Variants in FRG1 observed in about 807,000 individuals in gnomAD.
FRG1 encodes protein FRG1.
A neutral mutation model predicts 37.0 loss-of-function variants in FRG1; 19 were observed. The ratio of observed to expected loss-of-function variants is 0.51; its 90% CI spans 0.36 to 0.75. FRG1 has a LOEUF of 0.75. Ranked by LOEUF, FRG1 falls within the 30% of genes least tolerant of loss-of-function variation. The probability of loss-of-function intolerance (pLI) is 0.00; values close to 1 mark genes in which losing one functional copy is unlikely to be tolerated. For missense variants in FRG1, 243 were observed against 301.4 expected (o/e 0.81, Z 1.44); for synonymous variants, 73 against 96.5 (o/e 0.76, Z 1.43).
At chr4:189,957,256 T>G in intron 5 of FRG1, 142 bp from the exon 6 acceptor site, 1 of 1,147,314 alleles carries the variant, frequency 8.7e-7, no homozygotes, top group Non-Finnish European at 1.2e-6. Context: ...CTATATGTTC[T>G]TGTATTATAT....
intron 2 of FRG1, among the ~76,000 whole-genome samples, chr4:189,946,711 C>T (rs1164849899): frequency 2.6e-5 from 4 of 152,136 alleles, no homozygotes; most frequent in Non-Finnish European, 5.9e-5. Context: ...ATTTCTACTA[C>T]ATAGAGATAT....
intron 2 of FRG1, among the ~76,000 whole-genome samples, chr4:189,949,275 T>A (rs1736656956): frequency 6.6e-6 from 1 of 152,192 alleles, no homozygotes; most frequent in African/African-American, 2.4e-5. Context: ...CACCATTAAG[T>A]ATTATGTTAT....
intron 1 of FRG1, 49 bp downstream of exon 1, chr4:189,941,120 AC>A (rs776074044): frequency 6.6e-7 from 1 of 1,525,730 alleles, no homozygotes; most frequent in East Asian, 2.3e-5. Context: ...TTTCGGACGC[AC>A]TCCACCCCCG....
intron 2 of FRG1, among the ~76,000 whole-genome samples, chr4:189,950,841 G>A (rs7657916): frequency 0.42 from 64,356 of 151,966 alleles, 15,894 homozygotes; most frequent in African/African-American, 0.69. Context: ...AATCACAGAT[G>A]TTATGTCATT....
chr4:189,952,140 A>G (rs1252195793), intron 2 of FRG1, 22 bp from the exon 3 acceptor site: 2 of 1,515,600 alleles, frequency 1.3e-6, no homozygotes, highest in Admixed American at 2.0e-5. Flanking sequence ...TATAAAGTTG[A>G]AATATTGATT....
chr4:189,955,010 A>T (rs1736919662), intron 4 of FRG1, 27 bp from the exon 5 acceptor site: 1 of 1,403,406 alleles, frequency 7.1e-7, no homozygotes, highest in Non-Finnish European at 1.0e-6. Context: ...TCAGTCTTTA[A>T]CTTTTATCTA....
Position 189,963,101 on chromosome 4 carries a change from A to G in FRG1, c.749A>G (p.Lys250Arg). ...LHETLLDRRA[K>R]LKADRYCK ...TTTCTTTGTTTAAACAGGAGAGCCA[A>G]ATTGAAAGCCGACAGATACTGCAAG... The change falls in exon 9 of 9, where the codon AAA becomes AGA. Residue 250 changes from lysine to arginine, a missense_variant. By Grantham distance (26) the Lys-to-Arg change is conservative. This residue lies in a region of FRG1 where 133 missense variants were observed against 199.3 expected (regional missense o/e 0.67). Coordinates refer to ENST00000226798, the MANE Select transcript of FRG1 (RefSeq NM_004477.3). 1.2e-6 allele frequency: 2 copies of G among 1,611,434 alleles called. No individual in the cohort carries two copies. The highest frequency in any genetic ancestry group is 1.7e-6 in the Non-Finnish European group (2 of 1,178,326).
At chr4:189,941,163 C>T (rs111800301) in intron 1 of FRG1, 92 bp downstream of exon 1, 3 of 1,186,914 alleles carry the variant, frequency 2.5e-6, no homozygotes, top group Non-Finnish European at 3.7e-6. Flanking sequence ...CGCGGAGAGC[C>T]GGCTTTGTGG....
chr4:189,945,764 G>A (rs1480499528), intron 2 of FRG1, among the ~76,000 whole-genome samples: 2 of 152,036 alleles, frequency 1.3e-5, no homozygotes, highest in African/African-American at 4.8e-5. Flanking sequence ...GTGATACTGG[G>A]TGTCACAAAA....
intron 1 of FRG1, chr4:189,941,802 C>T (rs750847477): frequency 4.8e-6 from 2 of 419,506 alleles, no homozygotes; most frequent in South Asian, 3.5e-5. Flanking sequence ...TACCTGTGCA[C>T]TCATATCCCC....
At chr4:189,956,230 C>CA (rs1198313295) in intron 5 of FRG1, among the ~76,000 whole-genome samples, 3 of 152,118 alleles carry the variant, frequency 2.0e-5, no homozygotes, top group Admixed American at 6.6e-5. Flanking sequence ...CCCCGCCCCC[C>CA]ATACCGTACA....
intron 2 of FRG1, among the ~76,000 whole-genome samples, chr4:189,951,934 CT>C (rs1187353316): frequency 2.0e-5 from 3 of 152,132 alleles, no homozygotes; most frequent in Non-Finnish European, 2.9e-5. Flanking sequence ...CTGGTGAAAT[CT>C]GAATAAGCTT....
chr4:189,963,064 A>G (rs775980789), intron 8 of FRG1, 29 bp from the exon 9 acceptor site: 1 of 1,508,004 alleles, frequency 6.6e-7, no homozygotes, highest in East Asian at 2.3e-5. Context: ...TTTTACATAG[A>G]TTAATTTTAT....
chr4:189,952,257 C>G lies in FRG1; in HGVS notation c.229C>G (p.Leu77Val). 6.2e-7 allele frequency: 1 copy of G among 1,610,854 alleles called. No individual in the cohort carries two copies. Among genetic ancestry groups the G allele is most frequent in the Non-Finnish European group, 8.5e-7 (1 of 1,179,166 alleles). Reference protein sequence around the residue: ...GTYIHALDNGLFTLGAPHKEV... With the variant: ...GTYIHALDNGVFTLGAPHKEV... Reference sequence around the variant, plus strand: ...CTATATACATGCACTCGACAATGGTCTTTTTACCCTGGGAGCTCCACACAA... The same window carrying G: ...CTATATACATGCACTCGACAATGGTGTTTTTACCCTGGGAGCTCCACACAA... Residue 77 changes from leucine (L) to valine (V), a missense_variant, in exon 3 of 9, where the codon CTT becomes GTT. Physicochemically the swap from Leu to Val is conservative, Grantham distance 32. Around this residue, in one of 2 missense-constraint regions of FRG1, gnomAD observed 110 missense variants for 102.2 expected, o/e 1.08. Transcript: ENST00000226798.
chr4:189,945,035 A>G (rs2126799779), intron 2 of FRG1, among the ~76,000 whole-genome samples: 1 of 152,258 alleles, frequency 6.6e-6, no homozygotes, highest in South Asian at 2.1e-4. Flanking sequence ...ATAATTTTAC[A>G]TTACTGTCAA....
chr4:189,946,947 G>T (rs1457205570), intron 2 of FRG1, among the ~76,000 whole-genome samples: 1 of 152,118 alleles, frequency 6.6e-6, no homozygotes, highest in Non-Finnish European at 1.5e-5. Context: ...CCGCCTCCCA[G>T]GTTCAAGTGA....
chr4:189,948,057 A>C (rs1403235550), intron 2 of FRG1, among the ~76,000 whole-genome samples: 1 of 152,206 alleles, frequency 6.6e-6, no homozygotes, highest in East Asian at 1.9e-4. Flanking sequence ...GTGGGAGGGC[A>C]AGTCCATCTT....
At chr4:189,954,030 C>T (rs1425000074) in intron 4 of FRG1, among the ~76,000 whole-genome samples, 6 of 151,498 alleles carry the variant, frequency 4.0e-5, no homozygotes, top group Admixed American at 3.3e-4. Context: ...AGAAAAACTG[C>T]GAACAATCAG....
rs553981592 is a variant in FRG1 at position 189,941,166 on chromosome 4, C to T, written c.62+95C>T. On this transcript the variant is annotated intron_variant, in intron 1 of 8. Transcript: ENST00000226798. ...TGGAAGCCGTGGCGCGGAGAGCCGG[C>T]TTTGTGGCCTCCCAGGCTTCGCCCT... 8.0e-5 allele frequency: 90 copies of T among 1,118,166 alleles called. No individual in the cohort carries two copies. The East Asian group carries it at 1.1e-3, about 14-fold the overall frequency. 69.3% of individuals were successfully genotyped at this position (1,118,166 alleles called of 1,614,324 possible).
Sources: gnomAD v4.1 joint callset for allele counts (sites outside exome capture counted in the v4.1 genomes callset) on GRCh38, gnomAD v4.1.1 for gene constraint, gnomAD v4.1.1 regional missense constraint, MANE v1.5 for transcripts, NCBI Gene and HGNC (gene_info 2026-07-23, HGNC 2026-07-21) for gene names.